Variants in DGKB observed in about 807,000 individuals in gnomAD.
DGKB encodes 90 kDa diacylglycerol kinase.
A neutral mutation model predicts 114.3 loss-of-function variants in DGKB; 67 were observed. The ratio of observed to expected loss-of-function variants is 0.59; its 90% CI spans 0.48 to 0.72. The LOEUF (loss-of-function observed/expected upper bound fraction) is 0.72. Ranked by LOEUF, DGKB falls within the 30% of genes least tolerant of loss-of-function variation. The pLI is 0.00. For missense variants in DGKB, 907 were observed against 975.2 expected (o/e 0.93, Z 0.93); for synonymous variants, 398 against 323.1 (o/e 1.23, Z -2.49).
At chr7:14,802,270 G>A (rs1247940973) in intron 2 of DGKB, among the ~76,000 whole-genome samples, 1 of 151,894 alleles carries the variant, frequency 6.6e-6, no homozygotes, top group Non-Finnish European at 1.5e-5. Flanking sequence ...TAGTAGTTAT[G>A]TCTATAATTC....
intron 2 of DGKB, among the ~76,000 whole-genome samples, chr7:14,780,353 A>G (rs1370960277): frequency 2.0e-5 from 3 of 152,184 alleles, no homozygotes; most frequent in Non-Finnish European, 4.4e-5. Context: ...CCACCCTAAA[A>G]AACACATTTC....
rs183979813 is a variant in DGKB at position 14,710,142 on chromosome 7, A to C, written c.466+8400T>G. Among the ~76,000 whole-genome samples the C allele has an allele frequency of 3.3e-4, 50 of 152,188 alleles. No homozygotes were observed. The East Asian group carries it at 4.6e-3, about 14-fold the overall frequency. The stretch of plus-strand genomic sequence containing the variant: ...GAATCTTTAAAATGCTGAGTCTTGA[A>C]ATCTACAACCATATTATATTCTTCT... On this transcript the variant is annotated intron_variant, in intron 6 of 25. Transcript: ENST00000402815.
At chr7:14,185,747 A>G (rs1783320380) in intron 23 of DGKB, among the ~76,000 whole-genome samples, 1 of 152,204 alleles carries the variant, frequency 6.6e-6, no homozygotes, top group African/African-American at 2.4e-5. Flanking sequence ...GACAAAACAA[A>G]CAAAAACATA....
intron 23 of DGKB, among the ~76,000 whole-genome samples, chr7:14,286,840 C>A (rs1441899798): frequency 6.6e-6 from 1 of 151,960 alleles, no homozygotes; most frequent in Non-Finnish European, 1.5e-5. Context: ...TGCCAACAAC[C>A]TAAGATGGTT....
intron 21 of DGKB, among the ~76,000 whole-genome samples, chr7:14,391,648 C>T (rs1821338162): frequency 6.6e-6 from 1 of 152,074 alleles, no homozygotes; most frequent in Non-Finnish European, 1.5e-5. Flanking sequence ...GCAGTAATCA[C>T]ACCACTGAAC....
At chr7:14,229,859 A>G (rs1353511882) in intron 23 of DGKB, among the ~76,000 whole-genome samples, 1 of 152,038 alleles carries the variant, frequency 6.6e-6, no homozygotes. Flanking sequence ...ACTGATAGAA[A>G]AACATGTAAA....
In DGKB at chr7:14,177,892, T is replaced by C. The variant is rs886064780; in HGVS notation, c.2243+139A>G. ...TTAGACAATCTGCCAATGTCCATTA[T>C]TTTGAAATATATTAGTATTAATAAC... is the stretch of plus-strand genomic sequence containing the variant. On this transcript the variant is annotated intron_variant, in intron 24 of 25. Coordinates refer to ENST00000402815, the MANE Select transcript of DGKB (RefSeq NM_001350709.2). The C allele has an allele frequency of 3.4e-6, 3 of 875,010 alleles. No homozygotes were observed. The African/African-American group carries it at 5.3e-5, about 16-fold the overall frequency. The allele number at this position is 875,010 out of a possible 1,614,324, so 54.2% of individuals were successfully genotyped here. A position where few individuals can be genotyped will look rare whatever the true frequency, so the allele number is the denominator to read the frequency against.
At chr7:14,926,584 A>AT (rs761090244) in intron 1 of DGKB, among the ~76,000 whole-genome samples, 131 of 149,316 alleles carry the variant, frequency 8.8e-4, no homozygotes, top group African/African-American at 3.1e-3. Flanking sequence ...ATATTTCAAG[A>AT]TTTTTTTTAT....
At chr7:14,252,481 A>G (rs79142431) in intron 23 of DGKB, among the ~76,000 whole-genome samples, 4,025 of 152,268 alleles carry the variant, frequency 0.026, 161 homozygotes, top group African/African-American at 0.093. Flanking sequence ...ACTCTTCACA[A>G]GTCAGCCTAT....
intron 19 of DGKB, among the ~76,000 whole-genome samples, chr7:14,577,463 A>G (rs1194323471): frequency 6.6e-6 from 1 of 152,100 alleles, no homozygotes; most frequent in Non-Finnish European, 1.5e-5. Flanking sequence ...TAAAAGTACA[A>G]AAAATTAGCC....
Position 14,469,471 on chromosome 7 carries a change from A to T in DGKB, c.1835+8690T>A, listed in dbSNP as rs529847512. Among the ~76,000 whole-genome samples the T allele has an allele frequency of 3.9e-5, 6 of 152,200 alleles. 1 individual carries two copies. In the East Asian group the frequency reaches 1.2e-3, roughly 29 times the overall value. ...GAAGAAAGAGAGTGAGGGGCAAAAAAGGAAGGGAGAAAAGTTATTCCCTTC... is the reference window on the plus strand; with the variant it reads ...GAAGAAAGAGAGTGAGGGGCAAAAATGGAAGGGAGAAAAGTTATTCCCTTC... On this transcript the variant is annotated intron_variant, in intron 21 of 25. Transcript: ENST00000402815.
At chr7:14,620,535 C>G (rs568436638) in intron 15 of DGKB, among the ~76,000 whole-genome samples, 116 of 151,732 alleles carry the variant, frequency 7.6e-4, no homozygotes, top group South Asian at 1.2e-3. Flanking sequence ...GTGTGACATA[C>G]TGTTTGTATG....
intron 13 of DGKB, among the ~76,000 whole-genome samples, chr7:14,644,523 CA>C (rs1287302470): frequency 6.6e-6 from 1 of 151,772 alleles, no homozygotes; most frequent in Non-Finnish European, 1.5e-5. Context: ...CAAAGATGTC[CA>C]ACAGAAATCA....
chr7:14,210,377 G>A (rs1347296103), intron 23 of DGKB, among the ~76,000 whole-genome samples: 3 of 152,116 alleles, frequency 2.0e-5, no homozygotes, highest in African/African-American at 7.2e-5. Flanking sequence ...TTAGAAGATA[G>A]CACTCCAGTG....
intron 21 of DGKB, among the ~76,000 whole-genome samples, chr7:14,470,564 T>C (rs1354879773): frequency 1.3e-5 from 2 of 151,848 alleles, no homozygotes; most frequent in African/African-American, 4.8e-5. Flanking sequence ...GTTTAATTCC[T>C]AAAAGTTTAA....
At chr7:14,689,210 T>TTTTTTTTA (rs1563917666) in intron 9 of DGKB, among the ~76,000 whole-genome samples, 4 of 127,446 alleles carry the variant, frequency 3.1e-5, no homozygotes, top group South Asian at 2.8e-4. Context: ...TTTTTTTTTT[T>TTTTTTTTA]TTTTTTTTTT....
chr7:14,526,603 A>C (rs1790685414), intron 20 of DGKB, among the ~76,000 whole-genome samples: 1 of 152,188 alleles, frequency 6.6e-6, no homozygotes, highest in South Asian at 2.1e-4. Context: ...TATTTTAAAA[A>C]ATAATATGTG....
intron 1 of DGKB, among the ~76,000 whole-genome samples, chr7:14,917,511 T>A (rs1434234623): frequency 6.6e-6 from 1 of 151,962 alleles, no homozygotes; most frequent in Non-Finnish European, 1.5e-5. Context: ...TTCTCACAAA[T>A]TTTATAATTT....
At chr7:14,835,194 G>C (rs1846979901) in intron 2 of DGKB, among the ~76,000 whole-genome samples, 1 of 152,316 alleles carries the variant, frequency 6.6e-6, no homozygotes, top group African/African-American at 2.4e-5. Flanking sequence ...CAGACCAAGT[G>C]TCAGGGTAAA....
Sources: allele counts gnomAD v4.1 joint callset (sites outside exome capture counted in the v4.1 genomes callset), GRCh38; gene constraint gnomAD v4.1.1; transcripts MANE v1.5; gene names NCBI Gene and HGNC (gene_info 2026-07-23, HGNC 2026-07-21).